The following HPSE2 variants were observed in gnomAD, a reference collection of about 807,000 sequenced individuals.
HPSE2 encodes the protein heparanase 2 (inactive), also known as inactive heparanase-2.
In HPSE2, 38 loss-of-function variants were observed where a neutral mutation model predicts 60.5. The ratio of observed to expected loss-of-function variants is 0.63; its 90% CI spans 0.48 to 0.82. The LOEUF is 0.82. Among genes scored for constraint, HPSE2 ranks in the 40% least tolerant of loss-of-function variants. The probability of loss-of-function intolerance (pLI) is 0.00; values close to 1 mark genes in which losing one functional copy is unlikely to be tolerated. For synonymous variants in HPSE2, 295 were observed against 293.2 expected (o/e 1.01, Z -0.06); for missense variants, 713 against 740.4 (o/e 0.96, Z 0.43).
At chr10:98,997,657 A>C (rs1564724537) in intron 3 of HPSE2, among the ~76,000 whole-genome samples, 1 of 152,244 alleles carries the variant, frequency 6.6e-6, no homozygotes, top group Non-Finnish European at 1.5e-5. Flanking sequence ...TATCTGAAGG[A>C]ATCCTAAGTG....
At chr10:98,534,444 G>A (rs1034848597) in intron 9 of HPSE2, among the ~76,000 whole-genome samples, 35 of 151,176 alleles carry the variant, frequency 2.3e-4, no homozygotes, top group African/African-American at 7.3e-4. Flanking sequence ...CACTCTTGTC[G>A]CCCAGGCTGG....
chr10:98,920,459 C>T (rs1212978160), intron 3 of HPSE2, among the ~76,000 whole-genome samples: 1 of 152,144 alleles, frequency 6.6e-6, no homozygotes, highest in African/African-American at 2.4e-5. Flanking sequence ...TTAACTGACA[C>T]AATACTTTAA....
rs79205625 is a variant in HPSE2 at position 98,489,962 on chromosome 10, G to C, written c.1466+89C>G. ...AGGCAAAAAGTTTTTGATAAGATTAGTGAATGGAGATGAGTCTTGAAGGGG... is the reference window on the plus strand; with the variant it reads ...AGGCAAAAAGTTTTTGATAAGATTACTGAATGGAGATGAGTCTTGAAGGGG... On this transcript the variant is annotated intron_variant, in intron 10 of 11. Coordinates refer to ENST00000370552, the MANE Select transcript of HPSE2 (RefSeq NM_021828.5). The C allele has an allele frequency of 5.1e-5, 77 of 1,497,128 alleles. No homozygotes were observed. The East Asian group carries it at 1.6e-3, about 31-fold the overall frequency. 92.7% of individuals were successfully genotyped at this position (1,497,128 alleles called of 1,614,324 possible).
rs140478968 is a variant in HPSE2, at chr10:99,178,870, A to G, written c.449-34471T>C. 2.1e-3 allele frequency among the ~76,000 whole-genome samples: 326 copies of G among 152,328 alleles called. 1 individual carries two copies. The highest frequency in any genetic ancestry group is 7.4e-3 in the African/African-American group (307 of 41,576). Reference sequence around the variant, plus strand: ...ATGAACATCGATGCGAAAATCCTCAATAAAATACCGGCAAACCGAATCCAG... The same window carrying G: ...ATGAACATCGATGCGAAAATCCTCAGTAAAATACCGGCAAACCGAATCCAG... On this transcript the variant is annotated intron_variant, in intron 2 of 11. Coordinates refer to ENST00000370552, the MANE Select transcript of HPSE2 (RefSeq NM_021828.5).
In HPSE2 at chr10:98,563,426, C is replaced by T. The variant is rs140666937; in HGVS notation, c.1320+51478G>A. On this transcript the variant is annotated intron_variant, in intron 9 of 11. Transcript: ENST00000370552. The stretch of plus-strand genomic sequence containing the variant: ...AGGGCTGGGAGGGTTGGGGGCGTAC[C>T]GGTAGTGAGTGCTCATAATTATGAG... Among the ~76,000 whole-genome samples the T allele has an allele frequency of 1.8e-3, 279 of 151,982 alleles. 1 individual carries two copies. The highest frequency in any genetic ancestry group is 6.3e-3 in the African/African-American group (259 of 41,436).
intron 6 of HPSE2, among the ~76,000 whole-genome samples, chr10:98,689,164 T>C (rs747097934): frequency 6.6e-6 from 1 of 152,136 alleles, no homozygotes; most frequent in African/African-American, 2.4e-5. Context: ...TCAGCTTTGA[T>C]TTAAAAAAAA....
intron 2 of HPSE2, among the ~76,000 whole-genome samples, chr10:99,155,851 C>A (rs890745818): frequency 2.6e-5 from 4 of 151,230 alleles, no homozygotes; most frequent in African/African-American, 7.3e-5. Flanking sequence ...ATTGATAGAC[C>A]ACTAGCAAGA....
chr10:99,243,123 G>C, the HPSE2 span, among the ~76,000 whole-genome samples: 1 of 152,148 alleles, frequency 6.6e-6, no homozygotes, highest in African/African-American at 2.4e-5. Context: ...GGAGGCTGAG[G>C]CAGGCGGATC....
At chr10:98,643,136 T>C (rs548057262) in intron 6 of HPSE2, among the ~76,000 whole-genome samples, 59 of 152,356 alleles carry the variant, frequency 3.9e-4, no homozygotes, top group African/African-American at 1.3e-3. Flanking sequence ...CATTGGAATG[T>C]TGGAGCAAAT....
intron 3 of HPSE2, among the ~76,000 whole-genome samples, chr10:98,776,317 C>T (rs2134436679): frequency 6.6e-6 from 1 of 151,108 alleles, no homozygotes; most frequent in South Asian, 2.1e-4. Context: ...TGTGGTGGCG[C>T]ATGCCTGTAA....
intron 2 of HPSE2, among the ~76,000 whole-genome samples, chr10:99,202,043 G>C (rs1277005402): frequency 1.3e-5 from 2 of 152,134 alleles, no homozygotes; most frequent in Non-Finnish European, 2.9e-5. Flanking sequence ...CCAGGTGCTG[G>C]AAGTAACAAA....
intron 3 of HPSE2, among the ~76,000 whole-genome samples, chr10:98,909,651 GA>G (rs967269655): frequency 6.9e-4 from 102 of 148,324 alleles, no homozygotes; most frequent in Non-Finnish European, 1.0e-3. Context: ...AAAAAAAAAT[GA>G]AAAAAAAAGT....
At chr10:98,984,244 G>C (rs1203292897) in intron 3 of HPSE2, among the ~76,000 whole-genome samples, 2 of 152,206 alleles carry the variant, frequency 1.3e-5, no homozygotes, top group Admixed American at 1.3e-4. Context: ...GCACCCCCCA[G>C]TAGGGGCAGA....
chr10:98,656,538 A>G (rs1331311619), intron 6 of HPSE2, among the ~76,000 whole-genome samples: 2 of 152,176 alleles, frequency 1.3e-5, no homozygotes, highest in African/African-American at 4.8e-5. Flanking sequence ...ATTATACCAG[A>G]TATCAGCATC....
chr10:98,915,644 C>T (rs1954099692), intron 3 of HPSE2, among the ~76,000 whole-genome samples: 3 of 152,190 alleles, frequency 2.0e-5, no homozygotes, highest in Admixed American at 2.0e-4. Flanking sequence ...TCACATGCCC[C>T]AGTCTCTGGT....
chr10:98,776,907 A>T (rs1379440602), intron 3 of HPSE2, among the ~76,000 whole-genome samples: 1 of 152,190 alleles, frequency 6.6e-6, no homozygotes, highest in Non-Finnish European at 1.5e-5. Flanking sequence ...CTAAGGGCTA[A>T]AATGTCATGA....
chr10:98,823,403 G>A (rs1297275250), intron 3 of HPSE2, among the ~76,000 whole-genome samples: 1 of 152,298 alleles, frequency 6.6e-6, no homozygotes, highest in South Asian at 2.1e-4. Flanking sequence ...AGGACTGCTT[G>A]AGGCCAGGAG....
At chr10:98,663,687 G>A (rs1000820329) in intron 6 of HPSE2, among the ~76,000 whole-genome samples, 5 of 152,126 alleles carry the variant, frequency 3.3e-5, no homozygotes, top group African/African-American at 1.2e-4. Context: ...TGCAATCTTG[G>A]GAACAGGAGA....
intron 7 of HPSE2, among the ~76,000 whole-genome samples, chr10:98,632,743 G>A (rs1203598373): frequency 1.3e-5 from 2 of 152,026 alleles, no homozygotes; most frequent in Admixed American, 1.3e-4. Context: ...TGTTCATATG[G>A]TCAAATATTT....
Sources: gnomAD v4.1 joint callset for allele counts (sites outside exome capture counted in the v4.1 genomes callset) on GRCh38, gnomAD v4.1.1 for gene constraint, MANE v1.5 for transcripts, NCBI Gene and HGNC (gene_info 2026-07-23, HGNC 2026-07-21) for gene names.